Variants in SLC2A5 observed in about 807,000 individuals in gnomAD.
SLC2A5 encodes solute carrier family 2 member 5.
In SLC2A5, 56 loss-of-function variants were observed where a neutral mutation model predicts 50.3. The ratio of observed to expected loss-of-function variants is 1.11; its 90% CI spans 0.90 to 1.39. The LOEUF (loss-of-function observed/expected upper bound fraction) is 1.39, where lower values mean the gene tolerates loss of function less well. SLC2A5 is among the 40% of genes most tolerant of loss of function. SLC2A5 has a pLI of 0.00. For synonymous variants in SLC2A5, 269 were observed against 281.9 expected (o/e 0.95, Z 0.46); for missense variants, 566 against 650.1 (o/e 0.87, Z 1.41).
chr1:9,044,860 C>T (rs529741434), intron 4 of SLC2A5, among the ~76,000 whole-genome samples: 16 of 152,068 alleles, frequency 1.1e-4, no homozygotes, highest in Non-Finnish European at 1.5e-4. Context: ...CGGCCATATG[C>T]GTGGTTTTAA....
At chr1:9,076,651 C>G (rs1456760455) in intron 2 of SLC2A5, among the ~76,000 whole-genome samples, 1 of 152,036 alleles carries the variant, frequency 6.6e-6, no homozygotes. Flanking sequence ...ATTTATTAAT[C>G]TAAAGGAAAA....
chr1:9,077,270 A>G (rs1642293974), intron 2 of SLC2A5, among the ~76,000 whole-genome samples: 1 of 151,464 alleles, frequency 6.6e-6, no homozygotes, highest in Non-Finnish European at 1.5e-5. Context: ...ATGGTGCTGC[A>G]TGCCTGTAGT....
intron 1 of SLC2A5, among the ~76,000 whole-genome samples, chr1:9,069,204 C>A (rs1166792915): frequency 6.6e-6 from 1 of 152,222 alleles, no homozygotes; most frequent in Non-Finnish European, 1.5e-5. Context: ...TTGCAGCTAA[C>A]ATGTTTGGTT....
chr1:9,038,735 C>A, intron 9 of SLC2A5, 93 bp downstream of exon 9: 1 of 1,477,018 alleles, frequency 6.8e-7, no homozygotes. Context: ...ATTGTGACCC[C>A]TTTTATTTTA....
At chr1:9,074,552 T>A (rs1642259581), upstream of SLC2A5, among the ~76,000 whole-genome samples, 1 of 152,194 alleles carries the variant, frequency 6.6e-6, no homozygotes, top group Non-Finnish European at 1.5e-5. Flanking sequence ...CTTAACCTTT[T>A]ATCTGTCGCT....
chr1:9,081,983 A>G (rs1006979592), intron 2 of SLC2A5, among the ~76,000 whole-genome samples: 29 of 152,192 alleles, frequency 1.9e-4, no homozygotes, highest in African/African-American at 7.0e-4. Context: ...TTGGGAGGCC[A>G]AGGCACGAGA....
intron 1 of SLC2A5, among the ~76,000 whole-genome samples, chr1:9,065,573 A>G (rs971047504): frequency 1.3e-5 from 2 of 152,162 alleles, no homozygotes; most frequent in African/African-American, 4.8e-5. Flanking sequence ...GGGAGAGATG[A>G]GCATCGTCAG....
intron 7 of SLC2A5, 21 bp downstream of exon 7, chr1:9,039,779 G>A (rs574449436): frequency 1.5e-5 from 22 of 1,423,614 alleles, no homozygotes; most frequent in Non-Finnish European, 1.9e-5. Flanking sequence ...CCCAGCTCCC[G>A]AGCCGCAGCC....
chr1:9,057,735 G>T (rs1187856073), intron 2 of SLC2A5, 127 bp from the exon 3 acceptor site: 11 of 774,622 alleles, frequency 1.4e-5, no homozygotes, highest in South Asian at 5.3e-5. Flanking sequence ...ACCGGGGGGT[G>T]ATGGGAGGCA....
Position 9,037,806 on chromosome 1 carries a change from A to G in SLC2A5, c.1303-17T>C. On this transcript the variant is annotated splice_polypyrimidine_tract_variant and intron_variant, in intron 11 of 11. Coordinates refer to ENST00000377424, the MANE Select transcript of SLC2A5 (RefSeq NM_003039.3). ...GAGGCCCTCCTGCGGGAAGAGGGGC[A>G]GGTGACACGTGTGGGACGTGGTTTG... 1 of 1,614,078 alleles carries G rather than the reference A, an allele frequency of 6.2e-7. No homozygotes were observed. The highest frequency in any genetic ancestry group is 1.6e-4 in the Middle Eastern group (1 of 6,062).
intron 3 of SLC2A5, among the ~76,000 whole-genome samples, chr1:9,053,193 T>A (rs1641637720): frequency 1.1e-5 from 1 of 95,234 alleles, no homozygotes; most frequent in South Asian, 2.6e-4. Flanking sequence ...ATATATTATA[T>A]ATTTATATAT....
chr1:9,091,322 C>T (rs78202092), upstream of SLC2A5, among the ~76,000 whole-genome samples: 37 of 152,258 alleles, frequency 2.4e-4, no homozygotes, highest in East Asian at 3.3e-3. Flanking sequence ...CATAATCAGG[C>T]CCTTAGACTT....
At chr1:9,086,932 C>A (rs1642406939) in intron 1 of SLC2A5, among the ~76,000 whole-genome samples, 1 of 152,164 alleles carries the variant, frequency 6.6e-6, no homozygotes, top group Admixed American at 6.6e-5. Context: ...ACATTCCAAC[C>A]CTAAGATAAA....
upstream of SLC2A5, among the ~76,000 whole-genome samples, chr1:9,090,237 A>C (rs576968618): frequency 1.4e-4 from 22 of 152,190 alleles, no homozygotes; most frequent in African/African-American, 5.3e-4. Context: ...CCCTCCTCAG[A>C]CATTCAACAT....
At chr1:9,062,354 G>A (rs916270204) in intron 1 of SLC2A5, among the ~76,000 whole-genome samples, 6 of 152,156 alleles carry the variant, frequency 3.9e-5, no homozygotes, top group African/African-American at 1.4e-4. Context: ...GGAGAAGAGA[G>A]TGATTCAGAG....
rs569124212 is a variant in SLC2A5 at position 9,058,912 on chromosome 1, A to G, written c.34-662T>C. 3.9e-5 allele frequency among the ~76,000 whole-genome samples: 6 copies of G among 152,220 alleles called. No individual in the cohort carries two copies. The South Asian group carries it at 1.2e-3, about 32-fold the overall frequency. On this transcript the variant is annotated intron_variant, in intron 1 of 11. Coordinates refer to ENST00000377424, the MANE Select transcript of SLC2A5 (RefSeq NM_003039.3). ...TAAAATCTACAGGCCTCAGTTTTGA[A>G]TCTACCTGTTGCCACTTTTCAGCTT...
chr1:9,061,148 G>GA (rs1641932137), intron 1 of SLC2A5, among the ~76,000 whole-genome samples: 1 of 151,452 alleles, frequency 6.6e-6, no homozygotes, highest in Non-Finnish European at 1.5e-5. Context: ...TGCTGGGCAT[G>GA]ATGTGCACCT....
At chr1:9,080,698 C>G (rs1464809728) in intron 2 of SLC2A5, among the ~76,000 whole-genome samples, 1 of 152,176 alleles carries the variant, frequency 6.6e-6, no homozygotes. Flanking sequence ...AAAATGAGAC[C>G]AGGCAGGCCA....
chr1:9,038,691 G>A (rs933860104), intron 9 of SLC2A5, 137 bp downstream of exon 9: 2 of 1,366,274 alleles, frequency 1.5e-6, no homozygotes, highest in African/African-American at 2.9e-5. Context: ...ACGGTCCCCA[G>A]ATGTCTGGCC....
Sources: gnomAD v4.1 joint callset for allele counts (sites outside exome capture counted in the v4.1 genomes callset) on GRCh38, gnomAD v4.1.1 for gene constraint, MANE v1.5 for transcripts, NCBI Gene and HGNC (gene_info 2026-07-23, HGNC 2026-07-21) for gene names.